Variants in DSEL observed in about 807,000 individuals in gnomAD.
The protein encoded by DSEL is dermatan sulfate epimerase like, also known as dermatan-sulfate epimerase-like protein.
In DSEL, 61 loss-of-function variants were observed where a neutral mutation model predicts 96.6. That is an observed-to-expected ratio of 0.63 (90% confidence interval 0.51 to 0.78). DSEL has a LOEUF of 0.78. Among genes scored for constraint, DSEL ranks in the 30% least tolerant of loss-of-function variants. The pLI is 0.00. For synonymous variants in DSEL, 514 were observed against 502.0 expected (o/e 1.02, Z -0.32); for missense variants, 1,320 against 1,430.8 (o/e 0.92, Z 1.25).
Position 67,512,540 on chromosome 18 carries a change from G to C in DSEL, c.2069C>G (p.Ser690Cys). The C allele has an allele frequency of 2.5e-6, 4 of 1,614,134 alleles. No individual in the cohort carries two copies. The highest frequency in any genetic ancestry group is 3.4e-6 in the Non-Finnish European group (4 of 1,180,012). Residue 690 changes from serine to cysteine, a missense_variant, in exon 2 of 2, where the codon TCC becomes TGC. Coordinates refer to ENST00000310045, the MANE Select transcript of DSEL (RefSeq NM_032160.3). ...GGAACTATCAATAAATCTGCAGCTG[G>C]AGACATTGATATATGGCCCATAAAA... Reference protein sequence around the residue: ...YVFYGPYINVSSCRFIDSSNP... With the variant: ...YVFYGPYINVCSCRFIDSSNP...
Position 67,510,881 on chromosome 18 carries a change from C to CAT in DSEL, c.*88_*89insAT, listed in dbSNP as rs1255443474. 3.6e-6 allele frequency: 4 copies of CAT among 1,102,806 alleles called. No individual in the cohort carries two copies. The highest frequency in any genetic ancestry group is 5.2e-6 in the Non-Finnish European group (4 of 774,460). The allele number at this position is 1,102,806 out of a possible 1,614,324, so 68.3% of individuals were successfully genotyped here. Reference sequence around the variant, plus strand: ...ATACACGCGTGCACACACACACACACACTAAAGAATAAACAAACTCTTCTG... The same window carrying CAT: ...ATACACGCGTGCACACACACACACACATACTAAAGAATAAACAAACTCTTCTG... On this transcript the variant is annotated 3_prime_UTR_variant, in exon 2 of 2. Coordinates refer to ENST00000310045, the MANE Select transcript of DSEL (RefSeq NM_032160.3).
chr18:67,513,103 C>A lies in DSEL; in HGVS notation c.1506G>T (p.Val502=). ...PKLSHLNNVL[V]FAPSPSSQCN... is the part of the protein sequence containing the mutation. The stretch of plus-strand genomic sequence containing the variant: ...ACTGGCTTGAGGGTGATGGAGCAAA[C>A]ACCAATACATTGTTAAGGTGGCTCA... Residue 502 remains valine, a synonymous_variant, in exon 2 of 2, where the codon GTG becomes GTT. Coordinates refer to ENST00000310045, the MANE Select transcript of DSEL (RefSeq NM_032160.3). The A allele has an allele frequency of 1.2e-6, 2 of 1,614,134 alleles. No homozygotes were observed. The highest frequency in any genetic ancestry group is 4.5e-5 in the East Asian group (2 of 44,868).
At chr18:67,515,563 C>T (rs1054833046) in intron 1 of DSEL, 71 bp from the exon 2 acceptor site, 1 of 159,708 alleles carries the variant, frequency 6.3e-6, no homozygotes, top group Non-Finnish European at 1.5e-5. Flanking sequence ...AAACTGATGA[C>T]TTAAACATTC....
In DSEL at chr18:67,510,973, G is replaced by T; in HGVS notation, c.3636C>A (p.Asp1212Glu). The T allele has an allele frequency of 6.4e-7, 1 of 1,567,576 alleles. No homozygotes were observed. ...AATTTCTGCTGACCTGCAGCATTTAGTCCATAAACTTTGGATATCCTAGGC... is the reference window on the plus strand; with the variant it reads ...AATTTCTGCTGACCTGCAGCATTTATTCCATAAACTTTGGATATCCTAGGC... ...MDRLGYPKFMD is the reference protein window; with the variant it reads ...MDRLGYPKFME The change falls in exon 2 of 2, where the codon GAC becomes GAA. Residue 1212 changes from aspartate (D) to glutamate (E), a missense_variant. By Grantham distance (45) the Asp-to-Glu change is conservative. Coordinates refer to ENST00000310045, the MANE Select transcript of DSEL (RefSeq NM_032160.3).
At position 67,514,216 on chromosome 18, in the gene DSEL, G is replaced by C. The variant is rs1169051508; in HGVS notation, c.393C>G (p.Tyr131Ter). Residue 131 changes from tyrosine (Y) to a stop codon, truncating the protein, a stop_gained, in exon 2 of 2, where the codon TAC (tyrosine) becomes TAG (stop). Coordinates refer to ENST00000310045, the MANE Select transcript of DSEL (RefSeq NM_032160.3). LOFTEE classifies it high-confidence loss of function. ...CTTTGTCTTCTGGGCATAACAAACA[G>C]TACAATGCTAAAGGAGGCAGATTGT... is the stretch of plus-strand genomic sequence containing the variant. ...YGNNLPPLALYCLLCPEDKVA... is the reference protein window; with the variant it reads ...YGNNLPPLAL 1 of 1,614,002 alleles carries C rather than the reference G, an allele frequency of 6.2e-7. No individual in the cohort carries two copies. The highest frequency in any genetic ancestry group is 8.5e-7 in the Non-Finnish European group (1 of 1,180,030).
rs71171183 is a variant in DSEL, at chr18:67,508,731, CTTT to C, written c.*2236_*2238del. ...TGCCAACAGGTACATTTCTTTTTTTCTTTTTTTTTTTTTTTTGAGGCGGAGTCT... is the reference window on the plus strand; with the variant it reads ...TGCCAACAGGTACATTTCTTTTTTTCTTTTTTTTTTTTTGAGGCGGAGTCT... On this transcript the variant is annotated 3_prime_UTR_variant, in exon 2 of 2. Transcript: ENST00000310045. The C allele has an allele frequency of 7.7e-3, 981 of 126,798 alleles. 1 individual carries two copies. The highest frequency in any genetic ancestry group is 0.011 in the Non-Finnish European group (713 of 62,700). 7.9% of individuals were successfully genotyped at this position (126,798 alleles called of 1,614,324 possible). A position where few individuals can be genotyped will look rare whatever the true frequency, so the allele number is the denominator to read the frequency against.
rs764396704 is a variant in DSEL at position 67,511,918 on chromosome 18, G to A, written c.2691C>T (p.Ile897=). 38 of 1,613,960 alleles carry A rather than the reference G, an allele frequency of 2.4e-5. No individual in the cohort carries two copies. The highest frequency in any genetic ancestry group is 3.1e-5 in the Non-Finnish European group (36 of 1,180,010). ...ATTCACAAGCATCTACAAATGAGTC[G>A]ATTTCCAACTCAGTTTCAGGAATAT... ...YIDIPETELE[I]DSFVDACEWK... Residue 897 remains isoleucine, a synonymous_variant, in exon 2 of 2, where the codon ATC becomes ATT. Transcript: ENST00000310045.
Position 67,510,739 on chromosome 18 carries a change from C to G in DSEL, c.*231G>C. 2.1e-6 allele frequency: 1 copy of G among 475,918 alleles called. No individual in the cohort carries two copies. The highest frequency in any genetic ancestry group is 3.7e-6 in the Non-Finnish European group (1 of 272,832). 29.5% of individuals were successfully genotyped at this position (475,918 alleles called of 1,614,324 possible). The stretch of plus-strand genomic sequence containing the variant: ...CCACTCTGTAGCAGAAACTTTTTAG[C>G]AGACAAAATTTTCAGAAACAAAGGC... On this transcript the variant is annotated 3_prime_UTR_variant, in exon 2 of 2. Transcript: ENST00000310045.
rs546879298 is a variant in DSEL, at chr18:67,512,356, G to C, written c.2253C>G (p.Gly751=). 6 of 1,614,170 alleles carry C rather than the reference G, an allele frequency of 3.7e-6. No individual in the cohort carries two copies. Among genetic ancestry groups the C allele is most frequent in the East Asian group, 4.5e-5 (2 of 44,882 alleles). ...TTACAGGCTTTACTATTGCTTGAGT[G>C]CCCAAACCAAATCGGGTTATTTGGC... The part of the protein sequence containing the change: ...DQGQITRFGL[G]TQAIVKPVRH... Residue 751 remains glycine (G), a synonymous_variant, in exon 2 of 2, where the codon GGC becomes GGG. Transcript: ENST00000310045.
In DSEL at chr18:67,513,987, A is replaced by G. The variant is rs2089460372; in HGVS notation, c.622T>C (p.Tyr208His). The stretch of plus-strand genomic sequence containing the variant: ...CATGAGCGGACCTTGGAATACTCGT[A>G]CATTTCCTCAGTAATAACCCATATT... ...EKIWVITEEMYEYSKVRSWGK... is the reference protein window; with the variant it reads ...EKIWVITEEMHEYSKVRSWGK... Residue 208 changes from tyrosine (Y) to histidine (H), a missense_variant, in exon 2 of 2, where the codon TAC becomes CAC. Tyr to His is a moderately conservative substitution (Grantham distance 83). Coordinates refer to ENST00000310045, the MANE Select transcript of DSEL (RefSeq NM_032160.3). 8.1e-6 allele frequency: 13 copies of G among 1,614,190 alleles called. No individual in the cohort carries two copies. The highest frequency in any genetic ancestry group is 1.0e-5 in the Non-Finnish European group (12 of 1,180,032).
chr18:67,512,242 G>C lies in DSEL; in HGVS notation c.2367C>G (p.Phe789Leu). ...TAAAAGAAAGGTAAAAACGCCATTGGAAAGTTAAAATCACCAAGCTAATGC... is the reference window on the plus strand; with the variant it reads ...TAAAAGAAAGGTAAAAACGCCATTGCAAAGTTAAAATCACCAAGCTAATGC... Reference protein sequence around the residue: ...ILCISLVILTFQWRFYLSFRK... With the variant: ...ILCISLVILTLQWRFYLSFRK... The change falls in exon 2 of 2, where the codon TTC (phenylalanine) becomes TTG (leucine). Residue 789 changes from phenylalanine to leucine, a missense_variant. Physicochemically the swap from Phe to Leu is conservative, Grantham distance 22. This residue lies in a region of DSEL where 986 missense variants were observed against 1,066.4 expected (regional missense o/e 0.92). Coordinates refer to ENST00000310045, the MANE Select transcript of DSEL (RefSeq NM_032160.3). The C allele has an allele frequency of 6.2e-7, 1 of 1,614,014 alleles. No homozygotes were observed. The highest frequency in any genetic ancestry group is 2.2e-5 in the East Asian group (1 of 44,884).
rs1399142744 is a variant in DSEL at position 67,515,096 on chromosome 18, G to A, written c.-488C>T. 1.8e-5 allele frequency: 3 copies of A among 170,624 alleles called. No individual in the cohort carries two copies. The highest frequency in any genetic ancestry group is 4.2e-5 in the Non-Finnish European group (3 of 70,860). 10.6% of individuals were successfully genotyped at this position (170,624 alleles called of 1,614,324 possible). A position where few individuals can be genotyped will look rare whatever the true frequency, so the allele number is the denominator to read the frequency against. The stretch of plus-strand genomic sequence containing the variant: ...CATTTGTGTATGTTTGCCCAAAGAA[G>A]ATGATGAAGTACTGACATTCTTCGA... On this transcript the variant is annotated 5_prime_UTR_variant, in exon 2 of 2. Transcript: ENST00000310045.
Position 67,510,817 on chromosome 18 carries a change from T to G in DSEL, c.*153A>C. 4 of 587,572 alleles carry G rather than the reference T, an allele frequency of 6.8e-6. No homozygotes were observed. The highest frequency in any genetic ancestry group is 1.1e-5 in the Non-Finnish European group (4 of 366,806). The allele number at this position is 587,572 out of a possible 1,614,324, so 36.4% of individuals were successfully genotyped here. Reference sequence around the variant, plus strand: ...CCTGCTAGGCCAAATATGGTGCCATTTTTTAAAACAATCTCTCTGTGCAAA... The same window carrying G: ...CCTGCTAGGCCAAATATGGTGCCATGTTTTAAAACAATCTCTCTGTGCAAA... On this transcript the variant is annotated 3_prime_UTR_variant, in exon 2 of 2. Transcript: ENST00000310045.
Position 67,507,381 on chromosome 18 carries a change from G to T in DSEL, c.*3589C>A, listed in dbSNP as rs1176225394. 1.4e-5 allele frequency: 2 copies of T among 147,870 alleles called. No homozygotes were observed. The highest frequency in any genetic ancestry group is 3.0e-5 in the Non-Finnish European group (2 of 67,288). 9.2% of individuals were successfully genotyped at this position (147,870 alleles called of 1,614,324 possible). Reference sequence around the variant, plus strand: ...AAAAAAAAAAAAAAAAAGAATGTTAGGTATCCTTACCTTTGGAAGTGGTGT... The same window carrying T: ...AAAAAAAAAAAAAAAAAGAATGTTATGTATCCTTACCTTTGGAAGTGGTGT... On this transcript the variant is annotated 3_prime_UTR_variant, in exon 2 of 2. Transcript: ENST00000310045.
chr18:67,513,991 T>C lies in DSEL; in HGVS notation c.618A>G (p.Glu206=). The change falls in exon 2 of 2, where the codon GAA becomes GAG. Residue 206 remains glutamate (E), a synonymous_variant. Coordinates refer to ENST00000310045, the MANE Select transcript of DSEL (RefSeq NM_032160.3). ...AGCGGACCTTGGAATACTCGTACATTTCCTCAGTAATAACCCATATTTTTT... is the reference window on the plus strand; with the variant it reads ...AGCGGACCTTGGAATACTCGTACATCTCCTCAGTAATAACCCATATTTTTT... The part of the protein sequence containing the change: ...YLEKIWVITE[E]MYEYSKVRSW... The C allele has an allele frequency of 6.2e-7, 1 of 1,614,180 alleles. No homozygotes were observed. The highest frequency in any genetic ancestry group is 8.5e-7 in the Non-Finnish European group (1 of 1,180,032).
chr18:67,515,465 T>C lies in DSEL; in HGVS notation c.-857A>G, dbSNP rs1331215916. 1.8e-5 allele frequency: 3 copies of C among 167,028 alleles called. No individual in the cohort carries two copies. Among genetic ancestry groups the C allele is most frequent in the Non-Finnish European group, 4.4e-5 (3 of 68,118 alleles). The allele number at this position is 167,028 out of a possible 1,614,324, so 10.3% of individuals were successfully genotyped here. A position where few individuals can be genotyped will look rare whatever the true frequency, so the allele number is the denominator to read the frequency against. On this transcript the variant is annotated 5_prime_UTR_variant, in exon 2 of 2. Transcript: ENST00000310045. ...CCCCTTTCAGCAACAGTGAGGTCTC[T>C]CTTCTGCTCTTTTTTCATGACACTT...
chr18:67,513,527 G>GCTAA lies in DSEL; in HGVS notation c.1078_1081dup (p.Ala361ValfsTer6), dbSNP rs779462885. On this transcript the variant is annotated frameshift_variant, in exon 2 of 2. Coordinates refer to ENST00000310045, the MANE Select transcript of DSEL (RefSeq NM_032160.3). LOFTEE classifies it high-confidence loss of function. ...AGGTCGGTGCTTTCTAATTTGCTGA[G>GCTAA]CTAACCAATTTCCAGCTCCATTCTT... 1 of 1,614,164 alleles carries GCTAA rather than the reference G, an allele frequency of 6.2e-7. No homozygotes were observed. The highest frequency in any genetic ancestry group is 1.1e-5 in the South Asian group (1 of 91,080).
In DSEL at chr18:67,511,681, G is replaced by A. The variant is rs200130664; in HGVS notation, c.2928C>T (p.Gly976=). 304 of 1,614,018 alleles carry A rather than the reference G, an allele frequency of 1.9e-4. No individual in the cohort carries two copies. The highest frequency in any genetic ancestry group is 3.8e-4 in the Admixed American group (23 of 60,008). Residue 976 remains glycine (G), a synonymous_variant, in exon 2 of 2, where the codon GGC becomes GGT. Transcript: ENST00000310045. ...TATATTCAGCATCTCTATCAAAGGC[G>A]CCTTTCATTTGACTTCTTTGTTCTG... The part of the protein sequence containing the change: ...SLPEQRSQMK[G]AFDRDAEYIR...
At position 67,513,323 on chromosome 18, in the gene DSEL, G is replaced by C. The variant is rs1162787493; in HGVS notation, c.1286C>G (p.Thr429Ser). 11 of 1,614,190 alleles carry C rather than the reference G, an allele frequency of 6.8e-6. No individual in the cohort carries two copies. The highest frequency in any genetic ancestry group is 8.5e-6 in the Non-Finnish European group (10 of 1,180,040). The change falls in exon 2 of 2, where the codon ACC becomes AGC. Residue 429 changes from threonine (T) to serine (S), a missense_variant. Thr to Ser is a moderately conservative substitution (Grantham distance 58). Coordinates refer to ENST00000310045, the MANE Select transcript of DSEL (RefSeq NM_032160.3). ...AGATTTAAAAGACACAAAGGTGTTG[G>C]TCTGTGTGTTTGGCAACCCAGCCCC... is the stretch of plus-strand genomic sequence containing the variant. ...TYGAGLPNTQ[T>S]NTFVSFKSGK...
Sources: gnomAD v4.1 joint callset for allele counts on GRCh38, gnomAD v4.1.1 for gene constraint, gnomAD v4.1.1 regional missense constraint, MANE v1.5 for transcripts, NCBI Gene and HGNC (gene_info 2026-07-23, HGNC 2026-07-21) for gene names.